Variants in C4orf17 observed in about 807,000 individuals in gnomAD.
The protein encoded by C4orf17 is uncharacterized protein C4orf17.
Under a neutral mutation model 32.0 loss-of-function variants are expected in C4orf17, and 25 were observed. The ratio of observed to expected loss-of-function variants is 0.78; its 90% confidence interval spans 0.57 to 1.09. The LOEUF (loss-of-function observed/expected upper bound fraction) is 1.09. Among genes scored for constraint, C4orf17 ranks in the 50% least tolerant of loss-of-function variants. The probability of loss-of-function intolerance (pLI) is 0.00; values close to 1 mark genes in which losing one functional copy is unlikely to be tolerated. For missense variants in C4orf17, 420 were observed against 420.0 expected, an observed-to-expected ratio of 1.00 and a Z score of 0.00; for synonymous variants, 149 against 145.8, an observed-to-expected ratio of 1.02 and a Z score of -0.16.
chr4:99,520,857 C>T (rs181763787), intron 2 of C4orf17, among the ~76,000 whole-genome samples: 2 of 152,080 alleles, frequency 1.3e-5, no homozygotes, highest in Non-Finnish European at 2.9e-5. Context: ...CAAATTCTTA[C>T]TAAGCTGTAA....
intron 5 of C4orf17, among the ~76,000 whole-genome samples, chr4:99,533,771 A>ATCT (rs1723514816): frequency 6.6e-6 from 1 of 151,372 alleles, no homozygotes; most frequent in Admixed American, 6.6e-5. Context: ...AGTTCTAAGA[A>ATCT]ACCTTGAAAA....
In C4orf17 at chr4:99,518,573, AG is replaced by A. The variant is rs1384287425; in HGVS notation, c.128-3926del. On this transcript the variant is annotated intron_variant, in intron 2 of 8. Coordinates refer to ENST00000326581, the MANE Select transcript of C4orf17 (RefSeq NM_032149.3). ...GAGAGAGAGAGAGAGAGAGAGAGAG[AG>A]AGAGAGAGAGGGAGGGAGACAGAGA... 2.4e-3 allele frequency among the ~76,000 whole-genome samples: 303 copies of A among 127,776 alleles called. 8 individuals are homozygous for A. The highest frequency in any genetic ancestry group is 9.2e-3 in the African/African-American group (270 of 29,444). 83.8% of individuals were successfully genotyped at this position (127,776 alleles called of 152,430 possible).
chr4:99,538,326 A>G (rs997263803), intron 6 of C4orf17, among the ~76,000 whole-genome samples: 20 of 152,206 alleles, frequency 1.3e-4, no homozygotes, highest in Admixed American at 6.5e-5. Flanking sequence ...AATGTAGTTG[A>G]TCATCAGACT....
At chr4:99,537,040 C>T (rs1723573918) in intron 5 of C4orf17, among the ~76,000 whole-genome samples, 1 of 151,950 alleles carries the variant, frequency 6.6e-6, no homozygotes, top group Non-Finnish European at 1.5e-5. Context: ...CTGTTTACCC[C>T]ACCTCCATTA....
chr4:99,522,149 C>A (rs959393006), intron 2 of C4orf17, among the ~76,000 whole-genome samples: 1 of 152,062 alleles, frequency 6.6e-6, no homozygotes, highest in African/African-American at 2.4e-5. Context: ...CTAGCACAAA[C>A]CCTCTCAGTC....
intron 5 of C4orf17, among the ~76,000 whole-genome samples, chr4:99,532,245 G>T (rs1035231201): frequency 2.0e-5 from 3 of 152,026 alleles, no homozygotes; most frequent in African/African-American, 4.8e-5. Context: ...AAAGACACCC[G>T]CACTGGCATG....
Position 99,513,093 on chromosome 4 carries a change from C to T in C4orf17, c.12C>T (p.Asn4=), listed in dbSNP as rs1485203845. MNL[N]PPTSALQIEG... ...AACACACCACAAACATGAACCTCAA[C>T]CCCCCGACATCTGCTCTTCAGATCG... Residue 4 remains asparagine, a synonymous_variant, in exon 2 of 9, where the codon AAC becomes AAT. Coordinates refer to ENST00000326581, the MANE Select transcript of C4orf17 (RefSeq NM_032149.3). The T allele has an allele frequency of 4.0e-5, 65 of 1,613,440 alleles. No homozygotes were observed. Among genetic ancestry groups the T allele is most frequent in the Non-Finnish European group, 5.2e-5 (61 of 1,179,706 alleles).
chr4:99,529,660 T>C (rs1419252139), intron 4 of C4orf17, among the ~76,000 whole-genome samples, 155 bp from the exon 5 acceptor site: 1 of 152,212 alleles, frequency 6.6e-6, no homozygotes, highest in East Asian at 1.9e-4. Context: ...TCTCCAAATA[T>C]AAATATTTGA....
rs1480704787 is a variant in C4orf17, at chr4:99,521,449, A to G, written c.128-1051A>G. 4.6e-5 allele frequency among the ~76,000 whole-genome samples: 7 copies of G among 152,176 alleles called. No homozygotes were observed. The East Asian group carries it at 1.3e-3, about 29-fold the overall frequency. On this transcript the variant is annotated intron_variant, in intron 2 of 8. Coordinates refer to ENST00000326581, the MANE Select transcript of C4orf17 (RefSeq NM_032149.3). The stretch of plus-strand genomic sequence containing the variant: ...TTAAGATCTATATCTTAAATAATTT[A>G]ATCTTACATTCTAATGCAGCTCAGA...
chr4:99,528,559 T>A (rs531024115), intron 4 of C4orf17, among the ~76,000 whole-genome samples: 1 of 152,352 alleles, frequency 6.6e-6, no homozygotes, highest in African/African-American at 2.4e-5. Context: ...TGCTGGACTT[T>A]ATTTTTGTGA....
intron 4 of C4orf17, among the ~76,000 whole-genome samples, chr4:99,527,325 A>G (rs766583018): frequency 6.6e-4 from 100 of 152,246 alleles, no homozygotes; most frequent in Non-Finnish European, 1.2e-3. Context: ...AATATTGTTG[A>G]CTTTAATAAA....
intron 2 of C4orf17, among the ~76,000 whole-genome samples, chr4:99,519,029 G>A (rs1309546852): frequency 6.6e-6 from 1 of 152,126 alleles, no homozygotes; most frequent in Non-Finnish European, 1.5e-5. Context: ...TTATTAGGAA[G>A]TGCTTTTGGG....
At chr4:99,536,060 GTT>G in intron 5 of C4orf17, 1 of 418,346 alleles carries the variant, frequency 2.4e-6, no homozygotes, top group Admixed American at 2.8e-5. Flanking sequence ...ATCAGTGAGA[GTT>G]GCAAGACAGC....
rs567110381 is a variant in C4orf17 at position 99,523,974 on chromosome 4, T to C, written c.338-547T>C. On this transcript the variant is annotated intron_variant, in intron 3 of 8. Transcript: ENST00000326581. ...AAAATATGTCTTATACTAAAATATA[T>C]ACTTTTTTTTTTTTTTTTTTTTTGA... is the stretch of plus-strand genomic sequence containing the variant. Among the ~76,000 whole-genome samples the C allele has an allele frequency of 4.7e-3, 671 of 144,154 alleles. 4 individuals are homozygous for C. The highest frequency in any genetic ancestry group is 0.016 in the African/African-American group (602 of 38,630). 94.6% of individuals were successfully genotyped at this position (144,154 alleles called of 152,430 possible). A position where few individuals can be genotyped will look rare whatever the true frequency, so the allele number is the denominator to read the frequency against.
At chr4:99,540,043 CTTAAAG>C (rs1454910990) in intron 7 of C4orf17, among the ~76,000 whole-genome samples, 16 of 151,866 alleles carry the variant, frequency 1.1e-4, no homozygotes, top group Admixed American at 1.3e-4. Flanking sequence ...TTGAGTAAAG[CTTAAAG>C]TTAGAGGAAA....
At chr4:99,512,874 C>A (rs1236090533) in intron 1 of C4orf17, 115 bp from the exon 2 acceptor site, 2 of 533,778 alleles carry the variant, frequency 3.7e-6, no homozygotes, top group Non-Finnish European at 6.5e-6. Flanking sequence ...AATAGCCTCA[C>A]ATTGCTGTAA....
At chr4:99,519,805 G>T (rs541045822) in intron 2 of C4orf17, among the ~76,000 whole-genome samples, 10 of 152,168 alleles carry the variant, frequency 6.6e-5, no homozygotes, top group Non-Finnish European at 1.3e-4. Flanking sequence ...ACAGGCCAGG[G>T]CAGAGAGAGG....
intron 2 of C4orf17, among the ~76,000 whole-genome samples, chr4:99,518,060 C>T (rs909187946): frequency 2.0e-5 from 3 of 152,098 alleles, no homozygotes; most frequent in Admixed American, 1.3e-4. Context: ...TTGACCTTGT[C>T]ATTTTCCTTC....
intron 8 of C4orf17, 23 bp downstream of exon 8, chr4:99,540,478 T>A (rs1723636809): frequency 6.4e-7 from 1 of 1,568,920 alleles, no homozygotes; most frequent in African/African-American, 1.4e-5. Context: ...TTTTGGTAAC[T>A]ATTGAGTTGG....
Sources: gnomAD v4.1 joint callset for allele counts (sites outside exome capture counted in the v4.1 genomes callset) on GRCh38, gnomAD v4.1.1 for gene constraint, MANE v1.5 for transcripts, NCBI Gene and HGNC (gene_info 2026-07-23, HGNC 2026-07-21) for gene names.